Variants in ADGRL3 observed in about 807,000 individuals in gnomAD.
The protein encoded by ADGRL3 is calcium-independent alpha-latrotoxin receptor 3.
ADGRL3 carries 62 observed loss-of-function variants against 153.5 expected under a neutral mutation model. That is an observed-to-expected ratio of 0.40 (90% CI 0.33 to 0.50). The LOEUF is 0.50. Among genes scored for constraint, ADGRL3 ranks in the 20% least tolerant of loss-of-function variants. The pLI, the probability that ADGRL3 is intolerant of heterozygous loss-of-function variation, is 0.47. For synonymous variants in ADGRL3, 710 were observed against 672.5 expected (o/e 1.06, Z -0.86); for missense variants, 1,641 against 1,859.4 (o/e 0.88, Z 2.16).
At chr4:62,005,529 A>C (rs2099154362) in intron 21 of ADGRL3, among the ~76,000 whole-genome samples, 1 of 152,156 alleles carries the variant, frequency 6.6e-6, no homozygotes, top group Non-Finnish European at 1.5e-5. Context: ...AAGTCTAAAA[A>C]CCTATCTAAG....
chr4:61,384,746 G>C (rs1180507611), intron 2 of ADGRL3, among the ~76,000 whole-genome samples: 1 of 151,702 alleles, frequency 6.6e-6, no homozygotes, highest in East Asian at 1.9e-4. Context: ...TAAACTCTCA[G>C]CCCTAAAGAA....
At chr4:61,846,490 G>A (rs2098117987) in intron 9 of ADGRL3, among the ~76,000 whole-genome samples, 1 of 151,874 alleles carries the variant, frequency 6.6e-6, no homozygotes, top group Non-Finnish European at 1.5e-5. Context: ...TGTTCATGCA[G>A]GTAATCCTAC....
At position 61,764,762 on chromosome 4, in the gene ADGRL3, T is replaced by G. The variant is rs545059152; in HGVS notation, c.1399+31208T>G. On this transcript the variant is annotated intron_variant, in intron 8 of 26. Transcript: ENST00000683033. ...TGTTGAAGTGTTGGGGCGGTGAAAA[T>G]TTTTTGGGGGTGGTATGGAGAGAGA... Among the ~76,000 whole-genome samples the G allele has an allele frequency of 2.0e-5, 3 of 151,516 alleles. No individual in the cohort carries two copies. The East Asian group carries it at 5.9e-4, about 30-fold the overall frequency.
At chr4:61,531,149 C>G (rs971473291) in intron 4 of ADGRL3, among the ~76,000 whole-genome samples, 2 of 152,150 alleles carry the variant, frequency 1.3e-5, no homozygotes, top group East Asian at 1.9e-4. Flanking sequence ...CATATCACTT[C>G]AAGCCGATTG....
intron 13 of ADGRL3, among the ~76,000 whole-genome samples, chr4:61,919,876 A>C (rs919432210): frequency 6.6e-6 from 1 of 152,206 alleles, no homozygotes; most frequent in Non-Finnish European, 1.5e-5. Flanking sequence ...TTTCCTGTAA[A>C]TAAACAAATG....
At chr4:61,218,940 T>TAAC (rs56214054) in intron 1 of ADGRL3, among the ~76,000 whole-genome samples, 35,426 of 152,014 alleles carry the variant, frequency 0.23, 4,404 homozygotes, top group East Asian at 0.5. Flanking sequence ...AACAAGGTAA[T>TAAC]AAGATCAGAT....
intron 5 of ADGRL3, among the ~76,000 whole-genome samples, chr4:61,614,589 G>T (rs2091782423): frequency 6.6e-6 from 1 of 152,026 alleles, no homozygotes; most frequent in Admixed American, 6.6e-5. Flanking sequence ...AAAGGTAAAT[G>T]TATCAAATCT....
intron 1 of ADGRL3, among the ~76,000 whole-genome samples, chr4:61,281,771 A>G (rs536307610): frequency 3.0e-4 from 45 of 152,214 alleles, no homozygotes; most frequent in African/African-American, 1.1e-3. Context: ...GCAGTATTCT[A>G]TTTCTTTTAT....
At chr4:61,694,176 A>ATTTTTTTTTTTTTTTTTTT (rs2095592928) in intron 6 of ADGRL3, among the ~76,000 whole-genome samples, 10 of 94,694 alleles carry the variant, frequency 1.1e-4, no homozygotes, top group African/African-American at 2.9e-4. Flanking sequence ...AAATTTTGTC[A>ATTTTTTTTTTTTTTTTTTT]TTATTTTTTT....
At position 61,763,164 on chromosome 4, in the gene ADGRL3, T is replaced by C. The variant is rs568396613; in HGVS notation, c.1399+29610T>C. On this transcript the variant is annotated intron_variant, in intron 8 of 26. Coordinates refer to ENST00000683033, the MANE Select transcript of ADGRL3 (RefSeq NM_001387552.1). ...ACTCTTTTTATTCATAGTAGTTTCA[T>C]TTATTTTTAACCGTTAGTAACATTT... Among the ~76,000 whole-genome samples the C allele has an allele frequency of 3.0e-4, 46 of 152,142 alleles. No individual in the cohort carries two copies. The Middle Eastern group carries it at 0.01, about 34-fold the overall frequency.
intron 17 of ADGRL3, among the ~76,000 whole-genome samples, chr4:61,956,364 C>T (rs1268139594): frequency 6.6e-6 from 1 of 151,906 alleles, no homozygotes; most frequent in African/African-American, 2.4e-5. Flanking sequence ...TTCATATTTA[C>T]CCACTTTTGG....
chr4:62,039,840 G>A lies in ADGRL3; in HGVS notation c.3717+1984G>A, dbSNP rs151119019. On this transcript the variant is annotated intron_variant, in intron 24 of 26. Transcript: ENST00000683033. ...ATATCATCCAGCATGATTAGATCCCGCATGCTTTTCACATTACTGAGTTCA... is the reference window on the plus strand; with the variant it reads ...ATATCATCCAGCATGATTAGATCCCACATGCTTTTCACATTACTGAGTTCA... Among the ~76,000 whole-genome samples the A allele has an allele frequency of 1.4e-3, 220 of 152,056 alleles. 1 individual carries two copies. Among genetic ancestry groups the A allele is most frequent in the African/African-American group, 4.8e-3 (199 of 41,492 alleles).
chr4:62,009,174 C>T (rs76297467), intron 21 of ADGRL3, among the ~76,000 whole-genome samples: 7 of 152,042 alleles, frequency 4.6e-5, no homozygotes, highest in Non-Finnish European at 7.4e-5. Context: ...AGGCAACTGT[C>T]GAAAGGCTTT....
At chr4:61,765,151 G>A (rs1422679111) in intron 8 of ADGRL3, among the ~76,000 whole-genome samples, 1 of 152,118 alleles carries the variant, frequency 6.6e-6, no homozygotes, top group Non-Finnish European at 1.5e-5. Flanking sequence ...GATATCAGTT[G>A]TGATGGCTTG....
intron 2 of ADGRL3, among the ~76,000 whole-genome samples, chr4:61,414,621 A>C (rs2097126102): frequency 6.6e-6 from 1 of 151,800 alleles, no homozygotes; most frequent in Non-Finnish European, 1.5e-5. Flanking sequence ...TTTTGCGGTT[A>C]TATTAAGGAA....
chr4:61,575,527 A>G (rs1023646877), intron 4 of ADGRL3, among the ~76,000 whole-genome samples: 1 of 151,760 alleles, frequency 6.6e-6, no homozygotes, highest in Non-Finnish European at 1.5e-5. Flanking sequence ...AATGTTATGT[A>G]TTTATTGATT....
intron 5 of ADGRL3, among the ~76,000 whole-genome samples, chr4:61,616,329 AT>A (rs1197634568): frequency 6.6e-6 from 1 of 152,196 alleles, no homozygotes; most frequent in Admixed American, 6.5e-5. Flanking sequence ...TGAATATATA[AT>A]TTAAAGCCAT....
chr4:61,747,637 G>C (rs539961327), intron 8 of ADGRL3, among the ~76,000 whole-genome samples: 3 of 145,234 alleles, frequency 2.1e-5, no homozygotes, highest in African/African-American at 7.9e-5. Context: ...TGCAGAAAAG[G>C]CCTTTGACAA....
chr4:61,445,306 C>T (rs991587), intron 2 of ADGRL3, among the ~76,000 whole-genome samples: 141,793 of 152,208 alleles, frequency 0.93, 66,886 homozygotes, highest in East Asian at 1. Flanking sequence ...AAAAGAAACC[C>T]ACACTCTGCT....
Sources: gnomAD v4.1 joint callset for allele counts (sites outside exome capture counted in the v4.1 genomes callset) on GRCh38, gnomAD v4.1.1 for gene constraint, MANE v1.5 for transcripts, NCBI Gene and HGNC (gene_info 2026-07-23, HGNC 2026-07-21) for gene names.